The following EFL1 variants were observed in gnomAD, a reference collection of about 807,000 sequenced individuals.
EFL1 encodes the protein elongation factor like GTPase 1.
A neutral mutation model predicts 126.7 loss-of-function variants in EFL1; 76 were observed. That is an observed-to-expected ratio of 0.60 (90% confidence interval 0.50 to 0.73). EFL1 has a LOEUF of 0.73. Ranked by LOEUF, EFL1 falls within the 30% of genes least tolerant of loss-of-function variation. The pLI is 0.00. For synonymous variants in EFL1, 410 were observed against 448.4 expected (o/e 0.91, Z 1.08); for missense variants, 1,128 against 1,343.2 (o/e 0.84, Z 2.50).
intron 4 of EFL1, among the ~76,000 whole-genome samples, chr15:82,248,841 T>C (rs1366186329): frequency 2.6e-5 from 4 of 151,582 alleles, no homozygotes; most frequent in Non-Finnish European, 5.9e-5. Context: ...AAAATCCTGA[T>C]GCCAACTTTT....
In EFL1 at chr15:82,152,128, T is replaced by C. The variant is rs200845475; in HGVS notation, c.2326A>G (p.Met776Val). Residue 776 changes from methionine (M) to valine (V), a missense_variant, in exon 18 of 20, where the codon ATG (methionine) becomes GTG (valine). Coordinates refer to ENST00000268206, the MANE Select transcript of EFL1 (RefSeq NM_024580.6). ...TTCAAAGAGGATGTCAACTGCTCCA[T>C]AGAACGAATCAAATCACTATTTTCT... ...LEENSDLIRSMEQLTSSLNEG... is the reference protein window; with the variant it reads ...LEENSDLIRSVEQLTSSLNEG... The C allele has an allele frequency of 1.3e-3, 2,060 of 1,614,154 alleles. 6 individuals carry two copies. Among genetic ancestry groups the C allele is most frequent in the South Asian group, 4.4e-3 (398 of 91,082 alleles).
Position 82,157,755 on chromosome 15 carries a change from C to A in EFL1, c.1988G>T (p.Gly663Val). The A allele has an allele frequency of 6.2e-7, 1 of 1,614,022 alleles. No individual in the cohort carries two copies. Among genetic ancestry groups the A allele is most frequent in the Non-Finnish European group, 8.5e-7 (1 of 1,179,904 alleles). The change falls in exon 17 of 20, where the codon GGA (glycine) becomes GTA (valine). Residue 663 changes from glycine to valine, a missense_variant. Physicochemically the swap from Gly to Val is moderately radical, Grantham distance 109. Around this residue, in one of 6 missense-constraint regions of EFL1, gnomAD observed 561 missense variants for 641.7 expected, o/e 0.87. Coordinates refer to ENST00000268206, the MANE Select transcript of EFL1 (RefSeq NM_024580.6). Reference protein sequence around the residue: ...ETGEHVLVTAGEVHLQRCLDD... With the variant: ...ETGEHVLVTAVEVHLQRCLDD... ...CAGGCATCGCTGAAGGTGGACTTCT[C>A]CTGCTGTGACTAAAACGTGCTCTCC...
In EFL1 at chr15:82,238,526, G is replaced by C; in HGVS notation, c.517-5C>G. 1 of 1,602,046 alleles carries C rather than the reference G, an allele frequency of 6.2e-7. No homozygotes were observed. Among genetic ancestry groups the C allele is most frequent in the Non-Finnish European group, 8.5e-7 (1 of 1,172,612 alleles). On this transcript the variant is annotated splice_region_variant and splice_polypyrimidine_tract_variant and intron_variant, in intron 6 of 19. Coordinates refer to ENST00000268206, the MANE Select transcript of EFL1 (RefSeq NM_024580.6). Reference sequence around the variant, plus strand: ...AGTCCCTGTGAGCGCATTAATCTAGGAGAGATGGTGAAATGGCAGAGCGTC... The same window carrying C: ...AGTCCCTGTGAGCGCATTAATCTAGCAGAGATGGTGAAATGGCAGAGCGTC...
At position 82,130,628 on chromosome 15, in the gene EFL1, C is replaced by T. The variant is rs955981132; in HGVS notation, c.3175-67G>A. 10 of 1,532,730 alleles carry T rather than the reference C, an allele frequency of 6.5e-6. No individual in the cohort carries two copies. In the Admixed American group the frequency reaches 9.0e-5, roughly 14 times the overall value. 94.9% of individuals were successfully genotyped at this position (1,532,730 alleles called of 1,614,324 possible). On this transcript the variant is annotated intron_variant, in intron 19 of 19. Transcript: ENST00000268206. ...TTAATTTCAAACCTTATTCACTGAG[C>T]TCCCCAATTTATATAGTCTTAGCTA...
At chr15:82,237,029 G>A (rs1470853675) in intron 7 of EFL1, among the ~76,000 whole-genome samples, 1 of 152,206 alleles carries the variant, frequency 6.6e-6, no homozygotes, top group East Asian at 1.9e-4. Flanking sequence ...TGTAGTCCCA[G>A]CTACTCAGGA....
At chr15:82,141,699 A>C (rs564688736) in intron 18 of EFL1, among the ~76,000 whole-genome samples, 1 of 151,866 alleles carries the variant, frequency 6.6e-6, no homozygotes, top group South Asian at 2.1e-4. Flanking sequence ...AAAAAAAAAA[A>C]ACAAAAAAGA....
At chr15:82,205,503 C>T (rs1181984285) in intron 15 of EFL1, among the ~76,000 whole-genome samples, 1 of 151,930 alleles carries the variant, frequency 6.6e-6, no homozygotes, top group African/African-American at 2.4e-5. Flanking sequence ...TACCTATTTT[C>T]CACTGATACA....
At chr15:82,187,616 T>C (rs1298926223) in intron 15 of EFL1, among the ~76,000 whole-genome samples, 6 of 152,182 alleles carry the variant, frequency 3.9e-5, no homozygotes, top group African/African-American at 1.2e-4. Flanking sequence ...ACGAAGCTTA[T>C]TGTTTGTATT....
chr15:82,241,294 A>G lies in EFL1; in HGVS notation c.354T>C (p.Asp118=). 4 of 1,613,972 alleles carry G rather than the reference A, an allele frequency of 2.5e-6. No homozygotes were observed. The highest frequency in any genetic ancestry group is 3.3e-4 in the Middle Eastern group (2 of 6,056). The change falls in exon 5 of 20, where the codon GAT becomes GAC. Residue 118 remains aspartate, a synonymous_variant. Coordinates refer to ENST00000268206, the MANE Select transcript of EFL1 (RefSeq NM_024580.6). The part of the protein sequence containing the change: ...RICDGCIIVV[D]AVEGVCPQTQ... ...CCTGTGGACAGACTCCTTCCACAGC[A>G]TCTACCACAATGATGCATCCATCAC...
At chr15:82,239,082 A>G (rs2074903698) in intron 6 of EFL1, among the ~76,000 whole-genome samples, 1 of 152,166 alleles carries the variant, frequency 6.6e-6, no homozygotes, top group Non-Finnish European at 1.5e-5. Context: ...ATGTCTGCAA[A>G]TACCACTGAC....
At chr15:82,232,650 T>C (rs1164237254) in intron 7 of EFL1, among the ~76,000 whole-genome samples, 1 of 152,250 alleles carries the variant, frequency 6.6e-6, no homozygotes. Context: ...TTATTGTTAA[T>C]ATTGCCAAAC....
intron 18 of EFL1, among the ~76,000 whole-genome samples, chr15:82,148,775 T>C (rs934527833): frequency 6.6e-6 from 1 of 152,160 alleles, no homozygotes; most frequent in African/African-American, 2.4e-5. Context: ...TGCCAGACTA[T>C]AGGAAAAAGG....
At chr15:82,221,907 T>C (rs555094789) in intron 12 of EFL1, among the ~76,000 whole-genome samples, 1 of 152,340 alleles carries the variant, frequency 6.6e-6, no homozygotes, top group South Asian at 2.1e-4. Flanking sequence ...TTCCTTTGAA[T>C]CACCAGCATT....
chr15:82,191,856 C>T (rs2074363412), intron 15 of EFL1, among the ~76,000 whole-genome samples: 1 of 152,120 alleles, frequency 6.6e-6, no homozygotes, highest in African/African-American at 2.4e-5. Context: ...ATATTTGCGA[C>T]TGAGTTAAAA....
chr15:82,240,389 A>ATC (rs1567076125), intron 6 of EFL1, 29 bp downstream of exon 6: 2 of 1,544,432 alleles, frequency 1.3e-6, no homozygotes, highest in South Asian at 2.4e-5. Flanking sequence ...TTCGTGGCTA[A>ATC]ATTTTTTAAA....
At chr15:82,132,662 G>A (rs2073666096) in intron 19 of EFL1, among the ~76,000 whole-genome samples, 1 of 109,812 alleles carries the variant, frequency 9.1e-6, no homozygotes, top group South Asian at 3.8e-4. Context: ...GGGCAGAAAA[G>A]GAGACAAGGT....
chr15:82,138,492 T>G (rs1189357448), intron 19 of EFL1, among the ~76,000 whole-genome samples, 166 bp downstream of exon 19: 2 of 151,448 alleles, frequency 1.3e-5, no homozygotes, highest in East Asian at 3.9e-4. Context: ...TCAGGCTCAT[T>G]CAATCTGGAT....
intron 6 of EFL1, among the ~76,000 whole-genome samples, chr15:82,238,952 C>T (rs771765340): frequency 7.9e-5 from 12 of 152,066 alleles, no homozygotes; most frequent in Non-Finnish European, 1.5e-4. Context: ...AACTCCTAAT[C>T]CTCAACTCTA....
chr15:82,234,729 T>C (rs2074855252), intron 7 of EFL1, among the ~76,000 whole-genome samples: 1 of 152,164 alleles, frequency 6.6e-6, no homozygotes, highest in African/African-American at 2.4e-5. Flanking sequence ...TTCTAAGTCA[T>C]ACTGATATAA....
Sources: gnomAD v4.1 joint callset for allele counts (sites outside exome capture counted in the v4.1 genomes callset) on GRCh38, gnomAD v4.1.1 for gene constraint, gnomAD v4.1.1 regional missense constraint, MANE v1.5 for transcripts, NCBI Gene and HGNC (gene_info 2026-07-23, HGNC 2026-07-21) for gene names.